IRS1: variants seen among roughly 807,000 people sequenced by gnomAD.
IRS1 encodes the protein insulin receptor substrate 1.
In IRS1, 34 loss-of-function variants were observed where a neutral mutation model predicts 65.6. That is an observed-to-expected ratio of 0.52 (90% CI 0.39 to 0.69). The LOEUF (loss-of-function observed/expected upper bound fraction) is 0.69. Among genes scored for constraint, IRS1 ranks in the 30% least tolerant of loss-of-function variants. The probability of loss-of-function intolerance (pLI) is 0.00; values close to 1 mark genes in which losing one functional copy is unlikely to be tolerated. For synonymous variants in IRS1, 699 were observed against 683.5 expected (o/e 1.02, Z -0.35); for missense variants, 1,641 against 1,720.2 (o/e 0.95, Z 0.81).
In IRS1 at chr2:226,796,955, C is replaced by T. The variant is rs369611716; in HGVS notation, c.1784G>A (p.Arg595Gln). 3 of 1,564,504 alleles carry T rather than the reference C, an allele frequency of 1.9e-6. No individual in the cohort carries two copies. Among genetic ancestry groups the T allele is most frequent in the East Asian group, 2.3e-5 (1 of 44,362 alleles). The change falls in exon 1 of 2, where the codon CGG becomes CAG. Residue 595 changes from arginine (R) to glutamine (Q), a missense_variant. This residue lies in a region of IRS1 where 1,324 missense variants were observed against 1,361.0 expected (regional missense o/e 0.97). Transcript: ENST00000305123. ...EGLEMHPLER[R>Q]GGHHRPDSST... ...GCTGTCTGGGCGGTGGTGCCCCCCC[C>T]GACGCTCCAAGGGGTGCATTTCCAG...
intron 1 of IRS1, chr2:226,791,993 C>A: frequency 6.6e-6 from 1 of 152,290 alleles, no homozygotes; most frequent in Non-Finnish European, 1.5e-5. Context: ...AGTGCCAGGG[C>A]CGAGAGGGTT....
chr2:226,791,906 C>T (rs1939618149), intron 1 of IRS1, among the ~76,000 whole-genome samples: 1 of 152,074 alleles, frequency 6.6e-6, no homozygotes, highest in Non-Finnish European at 1.5e-5. Context: ...CTGCAGATTC[C>T]CCCACCCCGG....
intron 1 of IRS1, among the ~76,000 whole-genome samples, chr2:226,747,293 G>A (rs934844975): frequency 2.0e-5 from 3 of 152,048 alleles, no homozygotes; most frequent in Non-Finnish European, 4.4e-5. Flanking sequence ...CAATTTATAT[G>A]TTGAGATCCT....
At chr2:226,749,778 C>T (rs1018367391) in intron 1 of IRS1, among the ~76,000 whole-genome samples, 3 of 152,140 alleles carry the variant, frequency 2.0e-5, no homozygotes, top group African/African-American at 4.8e-5. Flanking sequence ...GAAAGATGCA[C>T]CTGGATGAGT....
rs1939721029 is a variant in IRS1 at position 226,796,261 on chromosome 2, C to G, written c.2478G>C (p.Glu826Asp). ...GATGGTGGGGATGTGGAAGGCTGGG[C>G]TCCAGCCTAGCCCCGCAGTATCCCC... ...LGGGYCGARL[E>D]PSLPHPHHQV... The change falls in exon 1 of 2, where the codon GAG becomes GAC. Residue 826 changes from glutamate (E) to aspartate (D), a missense_variant. By Grantham distance (45) the Glu-to-Asp change is conservative. Transcript: ENST00000305123. 1.2e-6 allele frequency: 2 copies of G among 1,613,456 alleles called. No homozygotes were observed. The highest frequency in any genetic ancestry group is 2.7e-5 in the African/African-American group (2 of 75,070).
rs917963888 is a variant in IRS1, at chr2:226,794,697, A to G, written c.*21+292T>C. Reference sequence around the variant, plus strand: ...AACAAATCAAGCTTCTTACGGAGGAACTCTACAAAACGCAGAACTGGCATA... The same window carrying G: ...AACAAATCAAGCTTCTTACGGAGGAGCTCTACAAAACGCAGAACTGGCATA... On this transcript the variant is annotated intron_variant, in intron 1 of 1. Coordinates refer to ENST00000305123, the MANE Select transcript of IRS1 (RefSeq NM_005544.3). This position sits in a 1 kb window ranked among gnomAD's most constrained non-coding sequence, Gnocchi z 4.1. 2.0e-5 allele frequency among the ~76,000 whole-genome samples: 3 copies of G among 152,164 alleles called. No homozygotes were observed. The highest frequency in any genetic ancestry group is 2.0e-4 in the Admixed American group (3 of 15,276).
At chr2:226,765,934 T>C (rs1242759494) in intron 1 of IRS1, among the ~76,000 whole-genome samples, 1 of 151,304 alleles carries the variant, frequency 6.6e-6, no homozygotes, top group African/African-American at 2.4e-5. Context: ...AAGCATGTTT[T>C]AATTGAATCT....
intron 1 of IRS1, among the ~76,000 whole-genome samples, chr2:226,775,669 T>C (rs1042879135): frequency 6.6e-6 from 1 of 152,204 alleles, no homozygotes; most frequent in African/African-American, 2.4e-5. Flanking sequence ...TAGTTTCCAA[T>C]ATAATTGTCC....
intron 1 of IRS1, among the ~76,000 whole-genome samples, chr2:226,764,897 T>C (rs1322537308): frequency 2.0e-5 from 3 of 152,232 alleles, no homozygotes; most frequent in African/African-American, 4.8e-5. Flanking sequence ...ACAGTGTACA[T>C]GTATTTTTAA....
At position 226,797,724 on chromosome 2, in the gene IRS1, G is replaced by A. The variant is rs781722234; in HGVS notation, c.1015C>T (p.Pro339Ser). 1.4e-5 allele frequency: 23 copies of A among 1,597,776 alleles called. No homozygotes were observed. The Admixed American group carries it at 3.9e-4, about 27-fold the overall frequency. ...SSDGEGTMSRPASVDGSPVSP... is the reference protein window; with the variant it reads ...SSDGEGTMSRSASVDGSPVSP... ...ACAGGGCTGCCGTCCACCGAGGCTG[G>A]GCGGGACATGGTGCCTTCGCCGTCA... Residue 339 changes from proline to serine, a missense_variant, in exon 1 of 2, where the codon CCA (proline) becomes TCA (serine). Physicochemically the swap from Pro to Ser is moderately conservative, Grantham distance 74 (BLOSUM62 -1). Around this residue, in one of 3 missense-constraint regions of IRS1, gnomAD observed 1,324 missense variants for 1,361.0 expected, o/e 0.97. Coordinates refer to ENST00000305123, the MANE Select transcript of IRS1 (RefSeq NM_005544.3). This position sits in a 1 kb window ranked among gnomAD's most constrained non-coding sequence, Gnocchi z 8.1.
chr2:226,740,741 C>T (rs950076251), intron 1 of IRS1, among the ~76,000 whole-genome samples: 4 of 152,042 alleles, frequency 2.6e-5, no homozygotes, highest in African/African-American at 9.7e-5. Context: ...TCTACTTTTA[C>T]TAGGGAAATA....
rs199746787 is a variant in IRS1, at chr2:226,798,134, G to C, written c.605C>G (p.Ala202Gly). The change falls in exon 1 of 2, where the codon GCG becomes GGG. Residue 202 changes from alanine to glycine, a missense_variant. Coordinates refer to ENST00000305123, the MANE Select transcript of IRS1 (RefSeq NM_005544.3). The surrounding 1 kb of genome is among the most constrained non-coding windows in gnomAD (Gnocchi z 9.4). Reference sequence around the variant, plus strand: ...GTTCATCAGCTGCAGCACCACGGCCGCTGCCTCCGAGTTCAGCTTCACGAA... The same window carrying C: ...GTTCATCAGCTGCAGCACCACGGCCCCTGCCTCCGAGTTCAGCTTCACGAA... ...ISFVKLNSEA[A>G]AVVLQLMNIR... The C allele has an allele frequency of 6.2e-7, 1 of 1,613,932 alleles. No individual in the cohort carries two copies. The highest frequency in any genetic ancestry group is 2.2e-5 in the East Asian group (1 of 44,886).
Position 226,799,195 on chromosome 2 carries a change from C to A in IRS1, c.-457G>T. 2 of 1,104,454 alleles carry A rather than the reference C, an allele frequency of 1.8e-6. No homozygotes were observed. The highest frequency in any genetic ancestry group is 2.3e-5 in the South Asian group (1 of 43,956). The allele number at this position is 1,104,454 out of a possible 1,614,324, so 68.4% of individuals were successfully genotyped here. A position where few individuals can be genotyped will look rare whatever the true frequency, so the allele number is the denominator to read the frequency against. ...GTTCCCCTCTGGAAGCAGCGATTCC[C>A]GAGGCAAATTAAATATCCTTGGGCA... On this transcript the variant is annotated 5_prime_UTR_variant, in exon 1 of 2. Coordinates refer to ENST00000305123, the MANE Select transcript of IRS1 (RefSeq NM_005544.3). This position sits in a 1 kb window ranked among gnomAD's most constrained non-coding sequence, Gnocchi z 6.1.
chr2:226,752,441 A>G (rs1938703566), intron 1 of IRS1, among the ~76,000 whole-genome samples: 1 of 152,156 alleles, frequency 6.6e-6, no homozygotes, highest in Non-Finnish European at 1.5e-5. Flanking sequence ...CCAGTAAATA[A>G]AGTTTTATGG....
Position 226,795,625 on chromosome 2 carries a change from T to G in IRS1, c.3114A>C (p.Ser1038=). ...GCCCAGTCGGGGAAGCAGAGGCTGCTGAGGATGAGGAGGCAGCAGCCATGG... is the reference window on the plus strand; with the variant it reads ...GCCCAGTCGGGGAAGCAGAGGCTGCGGAGGATGAGGAGGCAGCAGCCATGG... ...RATMAAASSS[S]AASASPTGPQ... The change falls in exon 1 of 2, where the codon TCA becomes TCC. Residue 1038 remains serine, a synonymous_variant. Coordinates refer to ENST00000305123, the MANE Select transcript of IRS1 (RefSeq NM_005544.3). 1 of 1,612,628 alleles carries G rather than the reference T, an allele frequency of 6.2e-7. No homozygotes were observed. Among genetic ancestry groups the G allele is most frequent in the Non-Finnish European group, 8.5e-7 (1 of 1,179,756 alleles).
At chr2:226,774,069 C>A (rs1209392467) in intron 1 of IRS1, among the ~76,000 whole-genome samples, 1 of 152,138 alleles carries the variant, frequency 6.6e-6, no homozygotes, top group Admixed American at 6.6e-5. Context: ...ACAGACCAGG[C>A]AGTCCAGGCA....
intron 1 of IRS1, among the ~76,000 whole-genome samples, chr2:226,737,944 T>C (rs543471711): frequency 2.6e-5 from 4 of 152,160 alleles, no homozygotes; most frequent in African/African-American, 4.8e-5. Flanking sequence ...GACAAGGTCC[T>C]ACAGGGTGAG....
chr2:226,781,871 C>G (rs1368183487), intron 1 of IRS1, among the ~76,000 whole-genome samples: 1 of 149,152 alleles, frequency 6.7e-6, no homozygotes, highest in African/African-American at 2.5e-5. Flanking sequence ...TAAATACACA[C>G]ACACACACAC....
chr2:226,792,057 C>T (rs888596507), intron 1 of IRS1: 6 of 152,230 alleles, frequency 3.9e-5, no homozygotes, highest in South Asian at 2.1e-4. Flanking sequence ...GGGGAGGCAA[C>T]CTTGGAGGTA....
Sources: gnomAD v4.1 joint callset for allele counts (sites outside exome capture counted in the v4.1 genomes callset) on GRCh38, gnomAD v4.1.1 for gene constraint, gnomAD v4.1.1 regional missense constraint, Gnocchi (gnomAD v3.1) non-coding constraint, MANE v1.5 for transcripts, NCBI Gene and HGNC (gene_info 2026-07-23, HGNC 2026-07-21) for gene names.